Variants in ALK observed in about 807,000 individuals in gnomAD.
ALK encodes ALK tyrosine kinase receptor.
Under a neutral mutation model 163.1 loss-of-function variants are expected in ALK, and 74 were observed. The ratio of observed to expected loss-of-function variants is 0.45; its 90% CI spans 0.38 to 0.55. The LOEUF (loss-of-function observed/expected upper bound fraction) is 0.55. Among genes scored for constraint, ALK ranks in the 20% least tolerant of loss-of-function variants. ALK has a pLI of 0.00. For synonymous variants in ALK, 960 were observed against 843.2 expected (o/e 1.14, Z -2.40); for missense variants, 2,063 against 2,105.3 (o/e 0.98, Z 0.39).
intron 24 of ALK, among the ~76,000 whole-genome samples, chr2:29,213,782 G>A (rs897476826): frequency 1.3e-5 from 2 of 152,078 alleles, no homozygotes; most frequent in Non-Finnish European, 2.9e-5. Context: ...CCAGAAATTC[G>A]AGACCAGCCT....
intron 2 of ALK, among the ~76,000 whole-genome samples, chr2:29,701,987 A>G (rs948507817): frequency 3.3e-5 from 5 of 152,036 alleles, no homozygotes; most frequent in Non-Finnish European, 5.9e-5. Context: ...CCTCATGTAG[A>G]GCCACAGACA....
chr2:29,889,701 G>C (rs1254562961), intron 1 of ALK, among the ~76,000 whole-genome samples: 1 of 2,868 alleles, frequency 3.5e-4, no homozygotes, highest in Admixed American at 2.1e-3. Context: ...TAGACAGAGA[G>C]AGAGAGAGAG....
chr2:29,595,885 CAGA>C (rs1431087532), intron 3 of ALK, among the ~76,000 whole-genome samples: 1 of 152,164 alleles, frequency 6.6e-6, no homozygotes, highest in African/African-American at 2.4e-5. Context: ...AGGGAAAAAG[CAGA>C]AGAACCCTGG....
intron 1 of ALK, among the ~76,000 whole-genome samples, chr2:29,821,823 A>C (rs975448294): frequency 6.6e-6 from 1 of 152,176 alleles, no homozygotes; most frequent in Non-Finnish European, 1.5e-5. Context: ...GATTAAGTGG[A>C]AAATCAATCT....
At chr2:29,458,883 C>T (rs1463730173) in intron 4 of ALK, among the ~76,000 whole-genome samples, 1 of 152,144 alleles carries the variant, frequency 6.6e-6, no homozygotes, top group East Asian at 1.9e-4. Flanking sequence ...TTCTGATACT[C>T]CCAAATGCCC....
chr2:29,324,512 T>G (rs1667188715), intron 6 of ALK, among the ~76,000 whole-genome samples: 1 of 152,258 alleles, frequency 6.6e-6, no homozygotes, highest in South Asian at 2.1e-4. Flanking sequence ...GTATGTTTTA[T>G]CTTACAATAA....
chr2:29,247,219 C>T (rs1206790515), intron 12 of ALK, among the ~76,000 whole-genome samples: 10 of 152,230 alleles, frequency 6.6e-5, no homozygotes. Flanking sequence ...TGTAGTTCTC[C>T]CTACACCCCA....
At chr2:29,378,161 A>G (rs949198260) in intron 5 of ALK, among the ~76,000 whole-genome samples, 3 of 152,184 alleles carry the variant, frequency 2.0e-5, no homozygotes, top group Non-Finnish European at 1.5e-5. Context: ...GACTAGTGGC[A>G]GTGGTCCATT....
At position 29,485,637 on chromosome 2, in the gene ALK, T is replaced by C. The variant is rs138051541; in HGVS notation, c.1154+46278A>G. ...GGCAGGGTTTTACATTTTAGAATTT[T>C]GTACTTGAAGGCTAGGCTCCTTTTG... On this transcript the variant is annotated intron_variant, in intron 4 of 28. Transcript: ENST00000389048. Among the ~76,000 whole-genome samples the C allele has an allele frequency of 3.9e-3, 598 of 152,340 alleles. 4 individuals are homozygous for C. Among genetic ancestry groups the C allele is most frequent in the African/African-American group, 0.013 (520 of 41,564 alleles).
At chr2:29,550,524 A>G (rs1015429310) in intron 3 of ALK, among the ~76,000 whole-genome samples, 5 of 152,284 alleles carry the variant, frequency 3.3e-5, no homozygotes, top group Admixed American at 6.5e-5. Context: ...GAAATCTCCA[A>G]TCTCTACAGT....
chr2:29,396,846 T>TG, intron 4 of ALK, among the ~76,000 whole-genome samples: 1 of 132,496 alleles, frequency 7.5e-6, no homozygotes, highest in African/African-American at 3.0e-5. Flanking sequence ...GTTTTTTTTT[T>TG]TTTTTTTTTT....
chr2:29,365,901 T>G (rs1668493212), intron 5 of ALK, among the ~76,000 whole-genome samples: 1 of 152,174 alleles, frequency 6.6e-6, no homozygotes, highest in African/African-American at 2.4e-5. Context: ...TTATGACAAT[T>G]ACGACTCAAA....
intron 5 of ALK, among the ~76,000 whole-genome samples, chr2:29,366,905 G>A (rs1323623521): frequency 6.6e-6 from 1 of 152,168 alleles, no homozygotes; most frequent in African/African-American, 2.4e-5. Flanking sequence ...CATATAGAAT[G>A]TAAGATTTAT....
rs114592683 is a variant in ALK at position 29,906,881 on chromosome 2, G to A, written c.667+13112C>T. ...ACAGACTTGTCCAACAGGTAACAGGGAAGCCTTGGAAAATAGTGATCCCCA... is the reference window on the plus strand; with the variant it reads ...ACAGACTTGTCCAACAGGTAACAGGAAAGCCTTGGAAAATAGTGATCCCCA... On this transcript the variant is annotated intron_variant, in intron 1 of 28. Transcript: ENST00000389048. Among the ~76,000 whole-genome samples the A allele has an allele frequency of 5.0e-3, 750 of 150,526 alleles. 5 individuals are homozygous for A. Among genetic ancestry groups the A allele is most frequent in the African/African-American group, 0.017 (708 of 41,000 alleles).
intron 4 of ALK, among the ~76,000 whole-genome samples, chr2:29,518,564 A>G (rs1024141247): frequency 6.6e-6 from 1 of 152,206 alleles, no homozygotes; most frequent in African/African-American, 2.4e-5. Flanking sequence ...AACGCAGAAT[A>G]AAGCTAGCGA....
intron 9 of ALK, among the ~76,000 whole-genome samples, chr2:29,292,647 G>A (rs1666065598): frequency 6.6e-6 from 1 of 152,206 alleles, no homozygotes; most frequent in Admixed American, 6.5e-5. Flanking sequence ...AAATTACCTT[G>A]AGAGCATTTA....
In ALK at chr2:29,227,057, C is replaced by A. The variant is rs2148178693; in HGVS notation, c.2932G>T (p.Glu978Ter). 6.2e-7 allele frequency: 1 copy of A among 1,614,178 alleles called. No individual in the cohort carries two copies. The highest frequency in any genetic ancestry group is 1.1e-5 in the South Asian group (1 of 91,084). ...TTTAGATAATGCTTAATATTCACTT[C>A]CCCGTGGCCTTCCATCACTAGTGAC... ...PALKVMEGHG[E>*]VNIKHYLNCS... Residue 978 changes from glutamate to a stop codon, truncating the protein, a stop_gained, in exon 18 of 29, where the codon GAA becomes TAA. Transcript: ENST00000389048. LOFTEE classifies it high-confidence loss of function. The surrounding 1 kb of genome is among the most constrained non-coding windows in gnomAD (Gnocchi z 4.4).
At chr2:29,914,225 G>A (rs187107433) in intron 1 of ALK, among the ~76,000 whole-genome samples, 1 of 152,320 alleles carries the variant, frequency 6.6e-6, no homozygotes, top group East Asian at 1.9e-4. Flanking sequence ...TTCTGAGAAA[G>A]TCGCCTTCCA....
chr2:29,208,913 GAAAAA>G (rs113318152), intron 25 of ALK, among the ~76,000 whole-genome samples: 1 of 146,764 alleles, frequency 6.8e-6, no homozygotes. Context: ...TTTTAAAACT[GAAAAA>G]AAAAATAATT....
Sources: allele counts gnomAD v4.1 joint callset (sites outside exome capture counted in the v4.1 genomes callset), GRCh38; gene constraint gnomAD v4.1.1; non-coding constraint Gnocchi (gnomAD v3.1); transcripts MANE v1.5; gene names NCBI Gene and HGNC (gene_info 2026-07-23, HGNC 2026-07-21).